The following ZNF804B variants were observed in gnomAD, a reference collection of about 807,000 sequenced individuals.
The protein encoded by ZNF804B is zinc finger protein 804B.
ZNF804B carries 80 observed loss-of-function variants against 101.4 expected under a neutral mutation model. That is an observed-to-expected ratio of 0.79 (90% CI 0.66 to 0.95). The LOEUF (loss-of-function observed/expected upper bound fraction) is 0.95. ZNF804B is among the 40% of genes least tolerant of loss of function. ZNF804B has a pLI of 0.00. For missense variants in ZNF804B, 1,673 were observed against 1,561.9 expected (o/e 1.07, Z -1.20); for synonymous variants, 622 against 558.8 (o/e 1.11, Z -1.59).
chr7:89,247,717 C>T (rs1435940823), intron 2 of ZNF804B, among the ~76,000 whole-genome samples: 12 of 151,990 alleles, frequency 7.9e-5, no homozygotes, highest in Admixed American at 7.9e-4. Flanking sequence ...GTAGCAACAC[C>T]AAAGGATCAC....
intron 1 of ZNF804B, among the ~76,000 whole-genome samples, chr7:88,819,585 C>G (rs955700208): frequency 6.6e-6 from 1 of 152,108 alleles, no homozygotes; most frequent in Non-Finnish European, 1.5e-5. Flanking sequence ...TTGAATGTTT[C>G]CTGCTTACTG....
chr7:89,263,845 G>A (rs977228666), intron 2 of ZNF804B, among the ~76,000 whole-genome samples: 5 of 152,176 alleles, frequency 3.3e-5, no homozygotes, highest in African/African-American at 1.2e-4. Flanking sequence ...TTTAGAGGAA[G>A]TGTAGCCCTG....
chr7:88,885,230 C>A (rs1473945956), intron 1 of ZNF804B, among the ~76,000 whole-genome samples: 1 of 151,800 alleles, frequency 6.6e-6, no homozygotes, highest in Non-Finnish European at 1.5e-5. Context: ...TTCCTCAGAG[C>A]AGGAATTTTT....
chr7:89,211,546 G>A (rs1204754009), intron 1 of ZNF804B, among the ~76,000 whole-genome samples: 1 of 152,056 alleles, frequency 6.6e-6, no homozygotes, highest in Admixed American at 6.6e-5. Flanking sequence ...TTTGTATAAG[G>A]TGAAAGGAAG....
chr7:88,901,828 A>G (rs1792396099), intron 1 of ZNF804B, among the ~76,000 whole-genome samples: 2 of 152,030 alleles, frequency 1.3e-5, no homozygotes. Context: ...AATAATTATA[A>G]TGAGCACTTA....
chr7:89,007,188 A>G (rs1788379108), intron 1 of ZNF804B, among the ~76,000 whole-genome samples: 1 of 152,032 alleles, frequency 6.6e-6, no homozygotes, highest in Non-Finnish European at 1.5e-5. Context: ...TTTTAAAATT[A>G]GATTTCATAA....
At chr7:89,135,227 A>G (rs1584007006) in intron 1 of ZNF804B, among the ~76,000 whole-genome samples, 1 of 152,250 alleles carries the variant, frequency 6.6e-6, no homozygotes, top group South Asian at 2.1e-4. Context: ...AAAACCTGAG[A>G]AAGTTGGGCA....
chr7:89,013,544 G>A (rs1301257629), intron 1 of ZNF804B, among the ~76,000 whole-genome samples: 4 of 152,064 alleles, frequency 2.6e-5, no homozygotes, highest in African/African-American at 4.8e-5. Context: ...TATTTATGGG[G>A]CACATAGTGA....
At chr7:89,288,141 A>G (rs1023608697) in intron 2 of ZNF804B, among the ~76,000 whole-genome samples, 1 of 152,274 alleles carries the variant, frequency 6.6e-6, no homozygotes, top group East Asian at 1.9e-4. Flanking sequence ...AGTAAAATCT[A>G]TGTATGAAAG....
At chr7:89,120,575 G>A (rs1454440343) in intron 1 of ZNF804B, among the ~76,000 whole-genome samples, 4 of 140,262 alleles carry the variant, frequency 2.9e-5, no homozygotes, top group Non-Finnish European at 6.1e-5. Context: ...GGAGAATGGC[G>A]TGAACCCGGG....
chr7:88,952,061 C>A (rs1045640476), intron 1 of ZNF804B, among the ~76,000 whole-genome samples: 1 of 151,732 alleles, frequency 6.6e-6, no homozygotes, highest in Non-Finnish European at 1.5e-5. Flanking sequence ...TCTGAAATGT[C>A]ATTTGGAGGA....
intron 1 of ZNF804B, among the ~76,000 whole-genome samples, chr7:88,854,394 TCTTTCTTTCTTTCTTTCTTC>T (rs1389156360): frequency 1.7e-4 from 24 of 139,284 alleles, no homozygotes; most frequent in African/African-American, 5.4e-4. Flanking sequence ...TGCATTTCTT[TCTTTCTTTCTTTCTTTCTTC>T]CTTTCTTTCT....
chr7:88,994,553 T>C (rs888526131), intron 1 of ZNF804B, among the ~76,000 whole-genome samples: 2 of 152,100 alleles, frequency 1.3e-5, no homozygotes, highest in African/African-American at 4.8e-5. Context: ...CTTAAGTCAC[T>C]AATTGCTTCA....
At chr7:88,797,698 C>T (rs928047553) in intron 1 of ZNF804B, among the ~76,000 whole-genome samples, 3 of 152,138 alleles carry the variant, frequency 2.0e-5, no homozygotes, top group Non-Finnish European at 4.4e-5. Flanking sequence ...TCTTCCTCTT[C>T]ATGAAACTGT....
Position 89,176,587 on chromosome 7 carries a change from C to CTTTTT in ZNF804B, c.109-41565_109-41564insTTTTT, listed in dbSNP as rs142696289. On this transcript the variant is annotated intron_variant, in intron 1 of 3. Transcript: ENST00000333190. ...TTTTCTTTTTTTTCTTTCTTTCTTT[C>CTTTTT]TTTCTTTTTTTTTTTTTTTTTCATG... 5.3e-3 allele frequency among the ~76,000 whole-genome samples: 287 copies of CTTTTT among 53,806 alleles called. 10 individuals carry two copies. The highest frequency in any genetic ancestry group is 0.012 in the African/African-American group (159 of 12,898). 35.3% of individuals were successfully genotyped at this position (53,806 alleles called of 152,430 possible).
intron 1 of ZNF804B, among the ~76,000 whole-genome samples, chr7:89,016,642 A>G (rs1029481373): frequency 6.6e-6 from 1 of 151,320 alleles, no homozygotes; most frequent in African/African-American, 2.4e-5. Context: ...AAGATCAGAT[A>G]GTTGTAGATA....
chr7:89,279,577 G>T (rs1355660220), intron 2 of ZNF804B, among the ~76,000 whole-genome samples: 8 of 151,878 alleles, frequency 5.3e-5, no homozygotes, highest in Non-Finnish European at 1.2e-4. Flanking sequence ...GTTGAATTTT[G>T]TCAAAGGCCT....
intron 1 of ZNF804B, among the ~76,000 whole-genome samples, chr7:89,047,429 C>T (rs557668400): frequency 5.9e-5 from 9 of 151,978 alleles, no homozygotes; most frequent in African/African-American, 1.7e-4. Flanking sequence ...TACATATTAT[C>T]AACTGAAGAG....
chr7:89,327,258 G>A, intron 2 of ZNF804B, 86 bp from the exon 3 acceptor site: 4 of 1,329,384 alleles, frequency 3.0e-6, no homozygotes, highest in Non-Finnish European at 4.0e-6. Context: ...TCTGCACTTA[G>A]GATAAAGAAT....
Sources: gnomAD v4.1 joint callset for allele counts (sites outside exome capture counted in the v4.1 genomes callset) on GRCh38, gnomAD v4.1.1 for gene constraint, MANE v1.5 for transcripts, NCBI Gene and HGNC (gene_info 2026-07-23, HGNC 2026-07-21) for gene names.